The following RPTOR variants were observed in gnomAD, a reference collection of about 807,000 sequenced individuals.
The protein encoded by RPTOR is regulatory-associated protein of mTOR.
In RPTOR, 21 loss-of-function variants were observed where a neutral mutation model predicts 169.9. That is an observed-to-expected ratio of 0.12 (90% CI 0.09 to 0.18). The LOEUF (loss-of-function observed/expected upper bound fraction) is 0.18, where lower values mean the gene tolerates loss of function less well. Ranked by LOEUF, RPTOR falls within the 10% of genes least tolerant of loss-of-function variation. The pLI, the probability that RPTOR is intolerant of heterozygous loss-of-function variation, is 1.00. For synonymous variants in RPTOR, 732 were observed against 753.2 expected (o/e 0.97, Z 0.46); for missense variants, 1,133 against 1,855.9 (o/e 0.61, Z 7.16).
chr17:80,886,651 G>A (rs1034375920), intron 17 of RPTOR, among the ~76,000 whole-genome samples: 7 of 152,248 alleles, frequency 4.6e-5, no homozygotes, highest in African/African-American at 1.7e-4. Context: ...CTGTGGCCCT[G>A]TGGTGTGGCC....
At chr17:80,905,772 A>G (rs1446332210) in intron 20 of RPTOR, among the ~76,000 whole-genome samples, 5 of 152,146 alleles carry the variant, frequency 3.3e-5, no homozygotes, top group Non-Finnish European at 2.9e-5. Context: ...AGCAGCCACC[A>G]GCCTGCACCC....
intron 10 of RPTOR, 37 bp downstream of exon 10, chr17:80,838,034 G>T: frequency 6.4e-7 from 1 of 1,556,944 alleles, no homozygotes. Context: ...CATCCGCGGC[G>T]GCAGCCACTT....
intron 6 of RPTOR, among the ~76,000 whole-genome samples, chr17:80,777,053 A>G (rs1489522637): frequency 6.6e-6 from 1 of 152,190 alleles, no homozygotes; most frequent in Non-Finnish European, 1.5e-5. Flanking sequence ...ATCCTGACCA[A>G]CATGGAGAAA....
chr17:80,961,229 G>C (rs904281019), intron 30 of RPTOR, among the ~76,000 whole-genome samples, 165 bp from the exon 31 acceptor site: 1 of 152,216 alleles, frequency 6.6e-6, no homozygotes, highest in African/African-American at 2.4e-5. Flanking sequence ...TCACCTGGAG[G>C]GGGCTCTGAC....
intron 13 of RPTOR, among the ~76,000 whole-genome samples, chr17:80,877,037 T>G (rs1270259406): frequency 1.5e-5 from 2 of 131,272 alleles, no homozygotes; most frequent in Non-Finnish European, 3.2e-5. Context: ...ACCGAGCCCG[T>G]GCCGCCCAGG....
rs1161715374 is a variant in RPTOR at position 80,746,237 on chromosome 17, CCGCCCCCACAGCGG to C, written c.655-7772_655-7759del. ...CGGTGCTTTCTGCGGGTGATCCCCA[CCGCCCCCACAGCGG>C]TGCTTTCTGCGGGTGATCCCCACCG... On this transcript the variant is annotated intron_variant, in intron 5 of 33. Transcript: ENST00000306801. This position sits in a 1 kb window ranked among gnomAD's most constrained non-coding sequence, Gnocchi z 4.5. Among the ~76,000 whole-genome samples the C allele has an allele frequency of 7.0e-6, 1 of 143,458 alleles. No homozygotes were observed. The highest frequency in any genetic ancestry group is 6.9e-5 in the Admixed American group (1 of 14,506). 94.1% of individuals were successfully genotyped at this position (143,458 alleles called of 152,430 possible). A position where few individuals can be genotyped will look rare whatever the true frequency, so the allele number is the denominator to read the frequency against.
intron 1 of RPTOR, among the ~76,000 whole-genome samples, chr17:80,552,414 C>G (rs184292467): frequency 1.3e-5 from 2 of 152,176 alleles, no homozygotes; most frequent in African/African-American, 4.8e-5. Flanking sequence ...CAGAGAGGCC[C>G]ACCATCACCC....
chr17:80,558,389 C>T (rs965497289), intron 1 of RPTOR, among the ~76,000 whole-genome samples: 2 of 152,122 alleles, frequency 1.3e-5, no homozygotes, highest in Non-Finnish European at 2.9e-5. Context: ...GAACAGGAAA[C>T]AGCTGAAGAG....
At chr17:80,943,901 A>C (rs952642976) in intron 25 of RPTOR, among the ~76,000 whole-genome samples, 11 of 152,194 alleles carry the variant, frequency 7.2e-5, no homozygotes, top group Admixed American at 2.6e-4. Flanking sequence ...GGGGTCCCCA[A>C]GACACCCTCC....
At chr17:80,789,375 A>T (rs1022271943) in intron 6 of RPTOR, among the ~76,000 whole-genome samples, 2 of 152,170 alleles carry the variant, frequency 1.3e-5, no homozygotes, top group Non-Finnish European at 2.9e-5. Flanking sequence ...TGTGGTTCAT[A>T]ATCCCTCTGG....
At chr17:80,625,198 C>G (rs923478943) in intron 1 of RPTOR, among the ~76,000 whole-genome samples, 2 of 152,172 alleles carry the variant, frequency 1.3e-5, no homozygotes, top group South Asian at 4.1e-4. Flanking sequence ...TGAAGGCACT[C>G]TAGGAGAACC....
intron 21 of RPTOR, among the ~76,000 whole-genome samples, chr17:80,917,982 T>C (rs765080127): frequency 3.9e-5 from 6 of 152,208 alleles, no homozygotes; most frequent in Non-Finnish European, 8.8e-5. Context: ...CTCACCTGTC[T>C]TAGTTCCTGC....
intron 7 of RPTOR, among the ~76,000 whole-genome samples, chr17:80,811,188 C>G (rs1248332178): frequency 6.6e-6 from 1 of 152,192 alleles, no homozygotes; most frequent in African/African-American, 2.4e-5. Context: ...AACATTTTAT[C>G]TAAATCTACT....
chr17:80,545,299 C>G lies in RPTOR; in HGVS notation c.-331C>G, dbSNP rs565142088. On this transcript the variant is annotated 5_prime_UTR_variant, in exon 1 of 34. Transcript: ENST00000306801. ...AGGGTCATCGTGAGGCCTGAAGTCT[C>G]TTACGCTTTTGGCAGCTCCCCTCGC... 6 of 255,660 alleles carry G rather than the reference C, an allele frequency of 2.3e-5. No homozygotes were observed. The East Asian group carries it at 3.5e-4, about 15-fold the overall frequency. 15.8% of individuals were successfully genotyped at this position (255,660 alleles called of 1,614,324 possible).
chr17:80,583,185 T>TTTG (rs1184264554), intron 1 of RPTOR, among the ~76,000 whole-genome samples: 11 of 120,854 alleles, frequency 9.1e-5, no homozygotes, highest in African/African-American at 3.6e-4. Flanking sequence ...CTTTCCTGTT[T>TTTG]TTTTTTTTTT....
At chr17:80,882,353 C>T (rs563583847) in intron 14 of RPTOR, among the ~76,000 whole-genome samples, 4 of 152,280 alleles carry the variant, frequency 2.6e-5, no homozygotes, top group South Asian at 2.1e-4. Flanking sequence ...CGTACATAGA[C>T]GCATCATAAT....
chr17:80,700,397 G>GTGGTGATGGTGGTGGTGGTGA (rs1468903999), intron 3 of RPTOR, among the ~76,000 whole-genome samples: 1 of 150,144 alleles, frequency 6.7e-6, no homozygotes, highest in Non-Finnish European at 1.5e-5. Flanking sequence ...GGTGGTAGTG[G>GTGGTGATGGTGGTGGTGGTGA]TGGTGATGGT....
At chr17:80,774,078 G>A in intron 6 of RPTOR, 11 of 985,380 alleles carry the variant, frequency 1.1e-5, no homozygotes, top group Non-Finnish European at 1.3e-5. Flanking sequence ...ACTGATCATT[G>A]TGTTCACTAG....
chr17:80,833,167 G>A (rs989217801), intron 9 of RPTOR, among the ~76,000 whole-genome samples: 4 of 152,188 alleles, frequency 2.6e-5, no homozygotes, highest in African/African-American at 9.7e-5. Flanking sequence ...GGACTTGGAC[G>A]GTTTTCCTCC....
Sources: allele counts gnomAD v4.1 joint callset (sites outside exome capture counted in the v4.1 genomes callset), GRCh38; gene constraint gnomAD v4.1.1; non-coding constraint Gnocchi (gnomAD v3.1); transcripts MANE v1.5; gene names NCBI Gene and HGNC (gene_info 2026-07-23, HGNC 2026-07-21).